MCPH1: variants seen among roughly 807,000 people sequenced by gnomAD.
MCPH1 encodes the protein microcephalin 1, also known as microcephalin.
Under a neutral mutation model 84.5 loss-of-function variants are expected in MCPH1, and 104 were observed. That is an observed-to-expected ratio of 1.23 (90% CI 1.05 to 1.45). The LOEUF (loss-of-function observed/expected upper bound fraction) is 1.45. Ranked by LOEUF, MCPH1 falls within the 40% of genes most tolerant of loss-of-function variation. MCPH1 has a pLI of 0.00. For synonymous variants in MCPH1, 514 were observed against 366.8 expected, an observed-to-expected ratio of 1.40 and a Z score of -4.58; for missense variants, 1,498 against 1,005.7, an observed-to-expected ratio of 1.49 and a Z score of -6.62.
chr8:6,487,435 A>C (rs575525988), intron 11 of MCPH1, among the ~76,000 whole-genome samples: 2 of 152,318 alleles, frequency 1.3e-5, no homozygotes, highest in South Asian at 4.1e-4. Context: ...CGCTCTCCTA[A>C]AATTATAACT....
chr8:6,564,641 A>G (rs1012429155), intron 12 of MCPH1, among the ~76,000 whole-genome samples: 1 of 152,216 alleles, frequency 6.6e-6, no homozygotes, highest in Non-Finnish European at 1.5e-5. Flanking sequence ...TAGCTGGTAC[A>G]CTGACTTAAC....
At chr8:6,596,638 C>T (rs1017712569) in intron 12 of MCPH1, among the ~76,000 whole-genome samples, 2 of 152,126 alleles carry the variant, frequency 1.3e-5, no homozygotes, top group East Asian at 3.9e-4. Flanking sequence ...CACAGAGGAA[C>T]CCCTGGGCTA....
At chr8:6,479,655 C>G (rs1808939348) in intron 10 of MCPH1, among the ~76,000 whole-genome samples, 1 of 151,994 alleles carries the variant, frequency 6.6e-6, no homozygotes, top group African/African-American at 2.4e-5. Context: ...GTATATATCA[C>G]AGTGTGGCTT....
chr8:6,542,484 G>A (rs1988762), intron 12 of MCPH1, among the ~76,000 whole-genome samples: 92,131 of 151,758 alleles, frequency 0.61, 28,553 homozygotes, highest in Middle Eastern at 0.68. Flanking sequence ...CTGTAAGAGG[G>A]ACGCTAGCGC....
At chr8:6,498,615 G>C (rs747543164) in intron 11 of MCPH1, among the ~76,000 whole-genome samples, 2 of 152,164 alleles carry the variant, frequency 1.3e-5, no homozygotes, top group Non-Finnish European at 2.9e-5. Flanking sequence ...ATTTGAACTT[G>C]AATGCCGCAC....
Position 6,440,099 on chromosome 8 carries a change from G to T in MCPH1, c.580+1003G>T, listed in dbSNP as rs968964318. 2.6e-5 allele frequency among the ~76,000 whole-genome samples: 4 copies of T among 152,196 alleles called. 1 individual carries two copies. Among genetic ancestry groups the T allele is most frequent in the African/African-American group, 9.7e-5 (4 of 41,442 alleles). ...AGGGTTTGTTTGCAGCTTAGTTGTTGTAGACCTATTTTTGTTTTAAGATGC... is the reference window on the plus strand; with the variant it reads ...AGGGTTTGTTTGCAGCTTAGTTGTTTTAGACCTATTTTTGTTTTAAGATGC... On this transcript the variant is annotated intron_variant, in intron 6 of 13. Transcript: ENST00000344683.
At chr8:6,419,475 C>G (rs184399299) in intron 3 of MCPH1, among the ~76,000 whole-genome samples, 1 of 152,038 alleles carries the variant, frequency 6.6e-6, no homozygotes, top group South Asian at 2.1e-4. Context: ...TCACTGTAAG[C>G]TCTGCCTCCC....
chr8:6,642,393 G>C (rs986123451), intron 13 of MCPH1, among the ~76,000 whole-genome samples: 12 of 152,104 alleles, frequency 7.9e-5, no homozygotes, highest in African/African-American at 2.9e-4. Context: ...GCGCTATCCT[G>C]GGCCAGGCGC....
chr8:6,551,756 C>G (rs751806529), intron 12 of MCPH1, among the ~76,000 whole-genome samples: 1 of 152,144 alleles, frequency 6.6e-6, no homozygotes, highest in African/African-American at 2.4e-5. Flanking sequence ...CATATACCCC[C>G]AAATATTAAG....
chr8:6,637,181 A>G (rs1177882805), intron 13 of MCPH1, among the ~76,000 whole-genome samples: 1 of 152,264 alleles, frequency 6.6e-6, no homozygotes, highest in African/African-American at 2.4e-5. Flanking sequence ...AGCAACTGAC[A>G]GGAATATACA....
intron 8 of MCPH1, chr8:6,446,292 C>T (rs1049192109): frequency 1.0e-6 from 1 of 985,070 alleles, no homozygotes; most frequent in Non-Finnish European, 1.2e-6. Context: ...AAATCTTGAA[C>T]TTTGACCGTC....
chr8:6,572,303 T>C (rs1035093233), intron 12 of MCPH1, among the ~76,000 whole-genome samples: 6 of 152,344 alleles, frequency 3.9e-5, no homozygotes, highest in African/African-American at 1.4e-4. Flanking sequence ...AATCACCTTT[T>C]TCATTTATAG....
chr8:6,593,081 GT>G lies in MCPH1; in HGVS notation c.2215-28353del, dbSNP rs377256909. ...TGGACACTATGTTTTTTAGGGTGTG[GT>G]TTTTTTTTTTTTTTTTTTTAGACAG... On this transcript the variant is annotated intron_variant, in intron 12 of 13. Transcript: ENST00000344683. Among the ~76,000 whole-genome samples, 436 of 121,724 alleles carry G rather than the reference GT, an allele frequency of 3.6e-3. 1 individual carries two copies. The highest frequency in any genetic ancestry group is 8.6e-3 in the African/African-American group (279 of 32,278). 79.9% of individuals were successfully genotyped at this position (121,724 alleles called of 152,430 possible).
chr8:6,621,796 C>T (rs1002088070), intron 13 of MCPH1, 105 bp downstream of exon 13: 2 of 1,488,540 alleles, frequency 1.3e-6, no homozygotes, highest in African/African-American at 1.4e-5. Context: ...AGCTGGGGCA[C>T]CTGGGTTGAT....
intron 4 of MCPH1, 110 bp downstream of exon 4, chr8:6,431,696 T>C (rs1457221781): frequency 2.8e-6 from 2 of 719,150 alleles, no homozygotes; most frequent in African/African-American, 3.6e-5. Flanking sequence ...TTGTCTTAAA[T>C]ATGCTATTGA....
Position 6,519,256 on chromosome 8 carries a change from A to T in MCPH1, c.2214+19327A>T, listed in dbSNP as rs557433051. 5.9e-5 allele frequency among the ~76,000 whole-genome samples: 9 copies of T among 152,176 alleles called. No individual in the cohort carries two copies. In the South Asian group the frequency reaches 1.9e-3, roughly 32 times the overall value. On this transcript the variant is annotated intron_variant, in intron 12 of 13. Coordinates refer to ENST00000344683, the MANE Select transcript of MCPH1 (RefSeq NM_024596.5). ...CATGTCACCAAGTCCACAGGTTGAA[A>T]CTGTTTTCACGATGCTAAGACACCA...
chr8:6,408,942 A>T (rs539614722), intron 1 of MCPH1, among the ~76,000 whole-genome samples: 2 of 151,618 alleles, frequency 1.3e-5, no homozygotes, highest in East Asian at 3.9e-4. Flanking sequence ...CTGGAGTGCA[A>T]TGGCGCAATC....
intron 3 of MCPH1, among the ~76,000 whole-genome samples, chr8:6,416,260 A>G (rs1239084403): frequency 6.6e-6 from 1 of 152,008 alleles, no homozygotes; most frequent in East Asian, 1.9e-4. Context: ...CTTCATTTCT[A>G]GTCTGGCCGC....
chr8:6,464,666 G>A (rs1806654011), intron 9 of MCPH1, among the ~76,000 whole-genome samples: 1 of 152,182 alleles, frequency 6.6e-6, no homozygotes, highest in Non-Finnish European at 1.5e-5. Flanking sequence ...AGACCCACAG[G>A]CGCTAAGAGA....
Sources: gnomAD v4.1 joint callset for allele counts (sites outside exome capture counted in the v4.1 genomes callset) on GRCh38, gnomAD v4.1.1 for gene constraint, MANE v1.5 for transcripts, NCBI Gene and HGNC (gene_info 2026-07-23, HGNC 2026-07-21) for gene names.